The following ZNF256 variants were observed in gnomAD, a reference collection of about 807,000 sequenced individuals.
ZNF256 encodes zinc finger protein 256.
In ZNF256, 4 loss-of-function variants were observed where a neutral mutation model predicts 7.9. The ratio of observed to expected loss-of-function variants is 0.50; its 90% CI spans 0.25 to 1.15. The LOEUF is 1.15. Ranked by LOEUF, ZNF256 falls within the 50% of genes most tolerant of loss-of-function variation. The pLI, the probability that ZNF256 is intolerant of heterozygous loss-of-function variation, is 0.15. For missense variants in ZNF256, 666 were observed against 755.9 expected, an observed-to-expected ratio of 0.88 and a Z score of 1.39; for synonymous variants, 260 against 260.4, an observed-to-expected ratio of 1.00 and a Z score of 0.02.
rs373930709 is a variant in ZNF256, at chr19:57,940,956, G to C, written c.1852C>G (p.Leu618Val). 1.2e-6 allele frequency: 2 copies of C among 1,614,126 alleles called. No individual in the cohort carries two copies. Among genetic ancestry groups the C allele is most frequent in the Non-Finnish European group, 1.7e-6 (2 of 1,180,000 alleles). ...TTGTGAACGTTCTGATGTTTTAGGA[G>C]GTTGGAGTTGAAGGTAAAAAATTTT... is the stretch of plus-strand genomic sequence containing the variant. The part of the protein sequence containing the change: ...CGKFFTFNSN[L>V]LKHQNVHKG Residue 618 changes from leucine to valine, a missense_variant, in exon 3 of 3, where the codon CTC becomes GTC. Leu to Val is a conservative substitution (Grantham distance 32, BLOSUM62 1). Transcript: ENST00000282308.
Position 57,942,418 on chromosome 19 carries a change from A to C in ZNF256, c.390T>G (p.Thr130=). ...DGACRKQLQF[T]AYLHQHQKQH... ...GCTTCTGGTGCTGATGAAGGTATGC[A>C]GTAAATTGTAATTGTTTCCTACATG... The change falls in exon 3 of 3, where the codon ACT becomes ACG. Residue 130 remains threonine (T), a synonymous_variant. Transcript: ENST00000282308. 6.2e-7 allele frequency: 1 copy of C among 1,614,244 alleles called. No homozygotes were observed. The highest frequency in any genetic ancestry group is 8.5e-7 in the Non-Finnish European group (1 of 1,180,048).
In ZNF256 at chr19:57,947,501, G is replaced by C. The variant is rs1022387754; in HGVS notation, c.-27C>G. ...TGACTCTGTGAGCGGAGCGGGGCCA[G>C]AGAGGATGTCCTTATTCCGGGCCGG... On this transcript the variant is annotated 5_prime_UTR_variant, in exon 1 of 3. Coordinates refer to ENST00000282308, the MANE Select transcript of ZNF256 (RefSeq NM_005773.3). 6 of 1,249,112 alleles carry C rather than the reference G, an allele frequency of 4.8e-6. No individual in the cohort carries two copies. Among genetic ancestry groups the C allele is most frequent in the Non-Finnish European group, 6.1e-6 (6 of 988,606 alleles). The allele number at this position is 1,249,112 out of a possible 1,614,324, so 77.4% of individuals were successfully genotyped here.
intron 1 of ZNF256, among the ~76,000 whole-genome samples, chr19:57,944,959 T>C (rs1244491172): frequency 4.0e-5 from 6 of 151,140 alleles, no homozygotes; most frequent in Non-Finnish European, 8.8e-5. Flanking sequence ...TCGCCCAGGC[T>C]GGAGTGCAGT....
rs1568560336 is a variant in ZNF256 at position 57,941,909 on chromosome 19, C to T, written c.899G>A (p.Cys300Tyr). The change falls in exon 3 of 3, where the codon TGT becomes TAT. Residue 300 changes from cysteine (C) to tyrosine (Y), a missense_variant. Cys to Tyr is a radical substitution (Grantham distance 194). Coordinates refer to ENST00000282308, the MANE Select transcript of ZNF256 (RefSeq NM_005773.3). ...TGVRPHQCDE[C>Y]GKLFNRKYDL... ...ATACTTCCTGTTAAATAATTTTCCA[C>T]ATTCATCACATTGATGAGGTCTTAC... 1.9e-6 allele frequency: 3 copies of T among 1,614,092 alleles called. No homozygotes were observed. The highest frequency in any genetic ancestry group is 1.7e-5 in the Admixed American group (1 of 59,996).
At chr19:57,945,792 T>C (rs1330693515) in intron 1 of ZNF256, among the ~76,000 whole-genome samples, 1 of 152,186 alleles carries the variant, frequency 6.6e-6, no homozygotes, top group Non-Finnish European at 1.5e-5. Flanking sequence ...CATGGCCCTA[T>C]TCCACTTCTG....
rs780338114 is a variant in ZNF256, at chr19:57,941,939, G to A, written c.869C>T (p.Thr290Ile). Reference sequence around the variant, plus strand: ...ATCACATTGATGAGGTCTTACTCCAGTGTGAATTCTTCGGTGCGTAATAAG... The same window carrying A: ...ATCACATTGATGAGGTCTTACTCCAATGTGAATTCTTCGGTGCGTAATAAG... ...SSLITHRRIH[T>I]GVRPHQCDEC... The change falls in exon 3 of 3, where the codon ACT (threonine) becomes ATT (isoleucine). Residue 290 changes from threonine to isoleucine, a missense_variant. Coordinates refer to ENST00000282308, the MANE Select transcript of ZNF256 (RefSeq NM_005773.3). The A allele has an allele frequency of 6.2e-7, 1 of 1,614,176 alleles. No individual in the cohort carries two copies. The highest frequency in any genetic ancestry group is 1.7e-5 in the Admixed American group (1 of 60,028).
At position 57,942,569 on chromosome 19, in the gene ZNF256, G is replaced by A. The variant is rs1213267045; in HGVS notation, c.239C>T (p.Pro80Leu). The A allele has an allele frequency of 6.2e-7, 1 of 1,614,172 alleles. No individual in the cohort carries two copies. Among genetic ancestry groups the A allele is most frequent in the East Asian group, 2.2e-5 (1 of 44,878 alleles). The change falls in exon 3 of 3, where the codon CCT (proline) becomes CTT (leucine). Residue 80 changes from proline (P) to leucine (L), a missense_variant. Transcript: ENST00000282308. ...CTTCTGGGGAGAAGGAAGGGCCTTA[G>A]GAATCCTAACCTGTGACACCCGCTG... Reference protein sequence around the residue: ...SPQRVSQVRIPKALPSPQKTN... With the variant: ...SPQRVSQVRILKALPSPQKTN...
Position 57,941,300 on chromosome 19 carries a change from CTA to C in ZNF256, c.1506_1507del (p.His502GlnfsTer18). 1 of 1,613,930 alleles carries C rather than the reference CTA, an allele frequency of 6.2e-7. No individual in the cohort carries two copies. Among genetic ancestry groups the C allele is most frequent in the Non-Finnish European group, 8.5e-7 (1 of 1,179,978 alleles). On this transcript the variant is annotated frameshift_variant, in exon 3 of 3. Coordinates refer to ENST00000282308, the MANE Select transcript of ZNF256 (RefSeq NM_005773.3). LOFTEE classifies it low-confidence loss of function (END_TRUNC). ...TCTCTGGTGTTGAAGGAGCGTAGAG[CTA>C]TGAGTAAATGATTTCCCACACTCCC...
intron 1 of ZNF256, among the ~76,000 whole-genome samples, chr19:57,945,085 A>T (rs563111752): frequency 3.3e-5 from 5 of 152,050 alleles, no homozygotes; most frequent in Non-Finnish European, 5.9e-5. Context: ...TTAGTAGAGA[A>T]GGGGTTTCAC....
Position 57,941,164 on chromosome 19 carries a change from C to A in ZNF256, c.1644G>T (p.Glu548Asp). Reference sequence around the variant, plus strand: ...TAAAGGATTTCCAACACTCACTGCACTCATAAGGCCTTTCTCCGGTGTGAC... The same window carrying A: ...TAAAGGATTTCCAACACTCACTGCAATCATAAGGCCTTTCTCCGGTGTGAC... ...RRSHTGERPYECSECWKSFSN... is the reference protein window; with the variant it reads ...RRSHTGERPYDCSECWKSFSN... The change falls in exon 3 of 3, where the codon GAG (glutamate) becomes GAT (aspartate). Residue 548 changes from glutamate (E) to aspartate (D), a missense_variant. By Grantham distance (45) the Glu-to-Asp change is conservative. Coordinates refer to ENST00000282308, the MANE Select transcript of ZNF256 (RefSeq NM_005773.3). The A allele has an allele frequency of 6.2e-7, 1 of 1,614,118 alleles. No homozygotes were observed. The highest frequency in any genetic ancestry group is 8.5e-7 in the Non-Finnish European group (1 of 1,180,028).
chr19:57,941,392 A>G lies in ZNF256; in HGVS notation c.1416T>C (p.Phe472=). Residue 472 remains phenylalanine, a synonymous_variant, in exon 3 of 3, where the codon TTT becomes TTC. Transcript: ENST00000282308. The part of the protein sequence containing the change: ...PYECSECGKS[F]TCKSYLISHW... The stretch of plus-strand genomic sequence containing the variant: ...GTGAGATGAGGTAGGATTTACAGGT[A>G]AAGGATTTTCCACATTCACTGCACT... 1.2e-6 allele frequency: 2 copies of G among 1,614,166 alleles called. No homozygotes were observed. The highest frequency in any genetic ancestry group is 1.7e-6 in the Non-Finnish European group (2 of 1,180,030).
Position 57,941,041 on chromosome 19 carries a change from G to C in ZNF256, c.1767C>G (p.Asn589Lys). ...ECGKSFSQSS[N>K]LTNHQRIHSG... ...TGTGAATTCGCTGGTGATTAGTGAG[G>C]TTAGAGCTCTGGCTAAAGGATTTTC... The change falls in exon 3 of 3, where the codon AAC becomes AAG. Residue 589 changes from asparagine to lysine, a missense_variant. Asn to Lys is a moderately conservative substitution (Grantham distance 94). Transcript: ENST00000282308. The C allele has an allele frequency of 6.2e-7, 1 of 1,614,030 alleles. No homozygotes were observed. The highest frequency in any genetic ancestry group is 2.2e-5 in the East Asian group (1 of 44,898).
chr19:57,943,939 G>C lies in ZNF256; in HGVS notation c.155C>G (p.Ser52Cys). ...VMLENLTLTT[S>C]LGGSGAGDEE... ...GGTGGGTGTGAGGACCTTACCCAGG[G>C]AGGTTGTAAGTGTCAAGTTCTCCAG... Residue 52 changes from serine (S) to cysteine (C), a missense_variant, in exon 2 of 3, where the codon TCC becomes TGC. Ser to Cys is a moderately radical substitution (Grantham distance 112, BLOSUM62 -1). Coordinates refer to ENST00000282308, the MANE Select transcript of ZNF256 (RefSeq NM_005773.3). 6.2e-7 allele frequency: 1 copy of C among 1,613,976 alleles called. No individual in the cohort carries two copies. The highest frequency in any genetic ancestry group is 8.5e-7 in the Non-Finnish European group (1 of 1,179,914).
Position 57,941,839 on chromosome 19 carries a change from G to T in ZNF256, c.969C>A (p.Tyr323Ter), listed in dbSNP as rs778895975. The T allele has an allele frequency of 6.2e-7, 1 of 1,613,916 alleles. No homozygotes were observed. Reference protein sequence around the residue: ...HQRVHTGERPYKCSECGKSFS... With the variant: ...HQRVHTGERP ...AGGATTTCCCACATTCACTGCACTTGTAAGGCCTTTCTCCAGTATGAACTC... is the reference window on the plus strand; with the variant it reads ...AGGATTTCCCACATTCACTGCACTTTTAAGGCCTTTCTCCAGTATGAACTC... The change falls in exon 3 of 3, where the codon TAC becomes TAA. Residue 323 changes from tyrosine (Y) to a stop codon, truncating the protein, a stop_gained. Transcript: ENST00000282308. LOFTEE classifies it low-confidence loss of function (END_TRUNC).
rs1298507363 is a variant in ZNF256, at chr19:57,942,620, G to T, written c.188C>A (p.Ala63Glu). Residue 63 changes from alanine (A) to glutamate (E), a missense_variant, in exon 3 of 3, where the codon GCA (alanine) becomes GAA (glutamate). Transcript: ENST00000282308. ...LGGSGAGDEE[A>E]PYQQSTSPQR... ...TGGAGAAGTGCTCTGCTGATAAGGT[G>T]CCTCCTCATCCCCTGCTCCAGAACC... 8 of 1,613,932 alleles carry T rather than the reference G, an allele frequency of 5.0e-6. No homozygotes were observed. The highest frequency in any genetic ancestry group is 6.8e-6 in the Non-Finnish European group (8 of 1,179,826).
At chr19:57,944,982 A>G (rs896481119) in intron 1 of ZNF256, among the ~76,000 whole-genome samples, 10 of 146,624 alleles carry the variant, frequency 6.8e-5, no homozygotes, top group Non-Finnish European at 1.3e-4. Context: ...GGCAAGCTCC[A>G]CCTCCTGGGT....
chr19:57,942,668 G>A (rs1375982107), intron 2 of ZNF256, 21 bp from the exon 3 acceptor site: 2 of 1,605,532 alleles, frequency 1.2e-6, no homozygotes, highest in East Asian at 2.2e-5. Context: ...GAAAATGCTG[G>A]TGAAGAGCAT....
chr19:57,947,616 G>T lies in ZNF256; in HGVS notation c.-142C>A. The T allele has an allele frequency of 1.3e-6, 1 of 789,554 alleles. No individual in the cohort carries two copies. Among genetic ancestry groups the T allele is most frequent in the Non-Finnish European group, 1.8e-6 (1 of 570,396 alleles). 48.9% of individuals were successfully genotyped at this position (789,554 alleles called of 1,614,324 possible). ...CGCGCCTTCTCAGTCAGTCACGGAT[G>T]ATGCTGACCCAGCGCTCCGGGGCTT... On this transcript the variant is annotated 5_prime_UTR_variant, in exon 1 of 3. Coordinates refer to ENST00000282308, the MANE Select transcript of ZNF256 (RefSeq NM_005773.3).
In ZNF256 at chr19:57,941,447, T is replaced by G; in HGVS notation, c.1361A>C (p.Glu454Ala). 6.2e-7 allele frequency: 1 copy of G among 1,614,158 alleles called. No individual in the cohort carries two copies. Among genetic ancestry groups the G allele is most frequent in the Non-Finnish European group, 8.5e-7 (1 of 1,180,028 alleles). ...TGGCCTTTCTCCTGTGTGAACTCTCTCATGTACAATGAGGTCAAATTTCCT... is the reference window on the plus strand; with the variant it reads ...TGGCCTTTCTCCTGTGTGAACTCTCGCATGTACAATGAGGTCAAATTTCCT... ...FSRKFDLIVHERVHTGERPYE... is the reference protein window; with the variant it reads ...FSRKFDLIVHARVHTGERPYE... The change falls in exon 3 of 3, where the codon GAG becomes GCG. Residue 454 changes from glutamate to alanine, a missense_variant. By Grantham distance (107) the Glu-to-Ala change is moderately radical. Transcript: ENST00000282308.
Sources: allele counts gnomAD v4.1 joint callset (sites outside exome capture counted in the v4.1 genomes callset), GRCh38; gene constraint gnomAD v4.1.1; transcripts MANE v1.5; gene names NCBI Gene and HGNC (gene_info 2026-07-23, HGNC 2026-07-21).